The following NCOR2 variants were observed in gnomAD, a reference collection of about 807,000 sequenced individuals.
The protein encoded by NCOR2 is nuclear receptor corepressor 2.
NCOR2 carries 81 observed loss-of-function variants against 262.9 expected under a neutral mutation model. The ratio of observed to expected loss-of-function variants is 0.31; its 90% CI spans 0.26 to 0.37. NCOR2 has a LOEUF of 0.37. Ranked by LOEUF, NCOR2 falls within the 10% of genes least tolerant of loss-of-function variation. The probability of loss-of-function intolerance (pLI) is 1.00; values close to 1 mark genes in which losing one functional copy is unlikely to be tolerated. For missense variants in NCOR2, 3,385 were observed against 3,621.4 expected (o/e 0.93, Z 1.68); for synonymous variants, 1,659 against 1,559.3 (o/e 1.06, Z -1.51).
At chr12:124,423,118 G>A (rs1041827624) in intron 11 of NCOR2, among the ~76,000 whole-genome samples, 4 of 152,218 alleles carry the variant, frequency 2.6e-5, no homozygotes, top group African/African-American at 4.8e-5. Context: ...GCGGTGGCGG[G>A]TCGCTGGCAC....
intron 22 of NCOR2, among the ~76,000 whole-genome samples, chr12:124,359,477 T>C (rs1453689484): frequency 6.6e-6 from 1 of 152,236 alleles, no homozygotes; most frequent in South Asian, 2.1e-4. Context: ...ACTTGTGCCC[T>C]GGCGAGGTGG....
chr12:124,341,298 G>A (rs1173838094), intron 34 of NCOR2, among the ~76,000 whole-genome samples: 1 of 151,606 alleles, frequency 6.6e-6, no homozygotes, highest in African/African-American at 2.4e-5. Context: ...GGAGTGCAAT[G>A]GTAAAATCTC....
At chr12:124,419,922 C>T in intron 13 of NCOR2, 35 bp downstream of exon 15, 1 of 1,574,710 alleles carries the variant, frequency 6.4e-7, no homozygotes. Context: ...ATGCAGGGAG[C>T]CTGCAAGGAC....
At position 124,334,189 on chromosome 12, in the gene NCOR2, A is replaced by C. The variant is rs140214418; in HGVS notation, c.6605+235T>G. On this transcript the variant is annotated intron_variant, in intron 41 of 46. Coordinates refer to ENST00000405201, the Ensembl canonical transcript of NCOR2. The stretch of plus-strand genomic sequence containing the variant: ...ATGTCTCCTGGGGGGCTGTGTGTAA[A>C]GGGTACACGTGAGTGCCTGGAACCC... Among the ~76,000 whole-genome samples the C allele has an allele frequency of 1.7e-3, 255 of 152,298 alleles. 1 individual carries two copies. The highest frequency in any genetic ancestry group is 3.2e-3 in the Non-Finnish European group (221 of 68,014).
intron 17 of NCOR2, among the ~76,000 whole-genome samples, chr12:124,383,150 G>A (rs1250269987): frequency 6.6e-6 from 1 of 152,196 alleles, no homozygotes; most frequent in Non-Finnish European, 1.5e-5. Flanking sequence ...CACTCTGCAG[G>A]CAGCCACCCA....
At chr12:124,478,605 T>C (rs1282032561) in intron 3 of NCOR2, among the ~76,000 whole-genome samples, 2 of 152,086 alleles carry the variant, frequency 1.3e-5, no homozygotes, top group African/African-American at 4.8e-5. Context: ...TTGCTCAGAC[T>C]TTCCAAATCT....
At position 124,523,636 on chromosome 12, in the gene NCOR2, T is replaced by TA. The variant is rs5801559; in HGVS notation, c.-118+11928dup. The stretch of plus-strand genomic sequence containing the variant: ...CTAACACTAACCATAGCTGATGAAC[T>TA]AAAAAAAAAAAAAACAAAAAACCGA... On this transcript the variant is annotated intron_variant, in intron 1 of 46. Transcript: ENST00000404621. This position sits in a 1 kb window ranked among gnomAD's most constrained non-coding sequence, Gnocchi z 4.0. Among the ~76,000 whole-genome samples the TA allele has an allele frequency of 0.24, 33,371 of 138,480 alleles. 4,536 individuals carry two copies. Among genetic ancestry groups the TA allele is most frequent in the East Asian group, 0.38 (1,879 of 4,906 alleles). 90.8% of individuals were successfully genotyped at this position (138,480 alleles called of 152,430 possible). A position where few individuals can be genotyped will look rare whatever the true frequency, so the allele number is the denominator to read the frequency against.
chr12:124,495,580 G>A (rs925961050), upstream of NCOR2, among the ~76,000 whole-genome samples: 17 of 152,124 alleles, frequency 1.1e-4, no homozygotes, highest in African/African-American at 4.1e-4. The surrounding 1 kb of genome is among the most constrained non-coding windows in gnomAD (Gnocchi z 4.4). Context: ...AGCCATGCAA[G>A]CCACGCAAGG....
chr12:124,447,615 T>C (rs1384971954), intron 7 of NCOR2, among the ~76,000 whole-genome samples: 1 of 152,188 alleles, frequency 6.6e-6, no homozygotes, highest in African/African-American at 2.4e-5. Flanking sequence ...TAACTAGGTA[T>C]ATGAAGGCGT....
chr12:124,373,872 C>T (rs1274959914), intron 19 of NCOR2, among the ~76,000 whole-genome samples: 50 of 150,256 alleles, frequency 3.3e-4, no homozygotes, highest in African/African-American at 9.9e-4. Flanking sequence ...GCAGGGGCCC[C>T]GGGCACGGTG....
rs933507986 is a variant in NCOR2 at position 124,440,376 on chromosome 12, G to C, written c.816-2380C>G. On this transcript the variant is annotated intron_variant, in intron 7 of 46. Transcript: ENST00000405201. The surrounding 1 kb of genome is among the most constrained non-coding windows in gnomAD (Gnocchi z 5.7). ...CCACCTCAGTCCCCGGGTCATTCTG[G>C]TGGTGACTTGGCCAGGGCCTCCCCA... Among the ~76,000 whole-genome samples the C allele has an allele frequency of 2.0e-5, 3 of 152,128 alleles. No homozygotes were observed. Among genetic ancestry groups the C allele is most frequent in the Admixed American group, 2.0e-4 (3 of 15,278 alleles).
rs747691656 is a variant in NCOR2, at chr12:124,495,142, C to T, written c.105+5G>A. 2 of 1,613,776 alleles carry T rather than the reference C, an allele frequency of 1.2e-6. No homozygotes were observed. Among genetic ancestry groups the T allele is most frequent in the Non-Finnish European group, 1.7e-6 (2 of 1,179,890 alleles). Reference sequence around the variant, plus strand: ...CCCCAGGCGCACACATGTGCACCCCCTTACCGTGTGCGTCCGGGCGATCTG... The same window carrying T: ...CCCCAGGCGCACACATGTGCACCCCTTTACCGTGTGCGTCCGGGCGATCTG... On this transcript the variant is annotated splice_donor_5th_base_variant and intron_variant, in intron 1 of 46. Transcript: ENST00000405201. The surrounding 1 kb of genome is among the most constrained non-coding windows in gnomAD (Gnocchi z 4.4).
chr12:124,543,189 A>G (rs1287673955), intron 1 of NCOR2, among the ~76,000 whole-genome samples: 3 of 152,134 alleles, frequency 2.0e-5, no homozygotes, highest in Non-Finnish European at 4.4e-5. Flanking sequence ...GGAGGTGGGG[A>G]TGGGCCGCAG....
At chr12:124,354,682 C>G (rs911935319) in intron 25 of NCOR2, 100 bp from the exon 28 acceptor site, 58 of 1,327,670 alleles carry the variant, frequency 4.4e-5, no homozygotes, top group Non-Finnish European at 5.2e-5. Context: ...AGCGCTGCCC[C>G]TCCCCACCAT....
At chr12:124,500,780 G>A (rs552687243) in intron 1 of NCOR2, among the ~76,000 whole-genome samples, 5 of 152,116 alleles carry the variant, frequency 3.3e-5, no homozygotes, top group Admixed American at 6.5e-5. Context: ...TGTCTTGAGC[G>A]GCCTGGTTCA....
chr12:124,381,782 CAG>C (rs1306104733), intron 17 of NCOR2, among the ~76,000 whole-genome samples: 1 of 152,118 alleles, frequency 6.6e-6, no homozygotes, highest in Non-Finnish European at 1.5e-5. Flanking sequence ...CTGAGGCGGA[CAG>C]AGACTGAGGA....
intron 1 of NCOR2, among the ~76,000 whole-genome samples, chr12:124,559,114 C>G (rs2137287429): frequency 6.6e-6 from 1 of 152,312 alleles, no homozygotes; most frequent in African/African-American, 2.4e-5. Context: ...GGTGACTGGT[C>G]ACCCGGGTCT....
rs932987621 is a variant in NCOR2, at chr12:124,389,033, C to G, written c.1877-3146G>C. On this transcript the variant is annotated intron_variant, in intron 16 of 46. Transcript: ENST00000405201. The surrounding 1 kb of genome is among the most constrained non-coding windows in gnomAD (Gnocchi z 4.4). Reference sequence around the variant, plus strand: ...TGCCACCTCTGACGCCGTCCCCAAGCCGCTGTGGGCGCGCGAGGTGCCCTT... The same window carrying G: ...TGCCACCTCTGACGCCGTCCCCAAGGCGCTGTGGGCGCGCGAGGTGCCCTT... 6.6e-6 allele frequency among the ~76,000 whole-genome samples: 1 copy of G among 152,232 alleles called. No homozygotes were observed. Among genetic ancestry groups the G allele is most frequent in the African/African-American group, 2.4e-5 (1 of 41,460 alleles).
intron 8 of NCOR2, among the ~76,000 whole-genome samples, chr12:124,431,848 G>A (rs910615722): frequency 2.0e-5 from 3 of 149,666 alleles, no homozygotes; most frequent in Admixed American, 2.0e-4. Flanking sequence ...CAGACAGACA[G>A]TCATATAGGC....
Sources: gnomAD v4.1 joint callset for allele counts (sites outside exome capture counted in the v4.1 genomes callset) on GRCh38, gnomAD v4.1.1 for gene constraint, Gnocchi (gnomAD v3.1) non-coding constraint, MANE v1.5 for transcripts, NCBI Gene and HGNC (gene_info 2026-07-23, HGNC 2026-07-21) for gene names.